Variants in CPED1 observed in about 807,000 individuals in gnomAD.
CPED1 encodes the protein cadherin-like and PC-esterase domain-containing protein 1.
Under a neutral mutation model 128.2 loss-of-function variants are expected in CPED1, and 114 were observed. That is an observed-to-expected ratio of 0.89 (90% confidence interval 0.76 to 1.04). The LOEUF is 1.04. CPED1 is among the 50% of genes least tolerant of loss of function. The probability of loss-of-function intolerance (pLI) is 0.00; values close to 1 mark genes in which losing one functional copy is unlikely to be tolerated. For missense variants in CPED1, 1,211 were observed against 1,207.1 expected (o/e 1.00, Z -0.05); for synonymous variants, 462 against 426.7 (o/e 1.08, Z -1.02).
chr7:121,173,623 A>G (rs1414069291), intron 16 of CPED1, among the ~76,000 whole-genome samples: 1 of 152,108 alleles, frequency 6.6e-6, no homozygotes, highest in Admixed American at 6.6e-5. Flanking sequence ...CATTTTCTTC[A>G]GTCTGTCACT....
rs75928867 is a variant in CPED1 at position 121,176,215 on chromosome 7, A to C, written c.2055+34074A>C. Among the ~76,000 whole-genome samples the C allele has an allele frequency of 9.4e-4, 129 of 137,206 alleles. 1 individual carries two copies. The Middle Eastern group carries it at 0.015, about 16-fold the overall frequency. The allele number at this position is 137,206 out of a possible 152,430, so 90.0% of individuals were successfully genotyped here. On this transcript the variant is annotated intron_variant, in intron 16 of 22. Coordinates refer to ENST00000310396, the MANE Select transcript of CPED1 (RefSeq NM_024913.5). ...CTGGAAAAAAAAAAAAAAAAAAAAA[A>C]ACACCTCTGGAAATAACTTGAATTG...
chr7:121,275,885 A>C (rs1407557036), intron 22 of CPED1, among the ~76,000 whole-genome samples: 1 of 151,820 alleles, frequency 6.6e-6, no homozygotes, highest in Non-Finnish European at 1.5e-5. Flanking sequence ...CAAGTTTACT[A>C]TCTAACCACA....
chr7:121,103,986 AT>A (rs918027178), intron 7 of CPED1, among the ~76,000 whole-genome samples: 1 of 152,130 alleles, frequency 6.6e-6, no homozygotes, highest in African/African-American at 2.4e-5. Context: ...TTTGTAAACT[AT>A]TTTTAATGCC....
chr7:121,229,311 C>A (rs764245213), intron 16 of CPED1, among the ~76,000 whole-genome samples: 1 of 151,828 alleles, frequency 6.6e-6, no homozygotes, highest in Non-Finnish European at 1.5e-5. Flanking sequence ...GCATAAATGG[C>A]CATATTTGAA....
chr7:121,079,808 T>C (rs1794236683), intron 5 of CPED1, among the ~76,000 whole-genome samples: 1 of 152,230 alleles, frequency 6.6e-6, no homozygotes. Flanking sequence ...TTGACTTCTA[T>C]ACTTATGTTG....
chr7:121,098,934 G>T (rs967968487), intron 6 of CPED1, among the ~76,000 whole-genome samples: 3 of 149,802 alleles, frequency 2.0e-5, no homozygotes, highest in South Asian at 2.1e-4. Context: ...TATACATTTT[G>T]GTATCATTTA....
chr7:121,263,121 A>G (rs978299380), intron 18 of CPED1, among the ~76,000 whole-genome samples: 2 of 152,032 alleles, frequency 1.3e-5, no homozygotes, highest in Non-Finnish European at 2.9e-5. Flanking sequence ...GACAGTGGTG[A>G]TGCTTCCTTC....
intron 22 of CPED1, among the ~76,000 whole-genome samples, chr7:121,292,587 A>T (rs553705717): frequency 6.6e-6 from 1 of 151,940 alleles, no homozygotes; most frequent in South Asian, 2.1e-4. Context: ...CGTTTGGAGG[A>T]GAAGAGGCAT....
Position 121,131,252 on chromosome 7 carries a change from C to G in CPED1, c.1577+958C>G, listed in dbSNP as rs116598913. Reference sequence around the variant, plus strand: ...TATTTGAAGAATTCTTAGGACATATCCCAGGATCAGAATTCACCTTATTTG... The same window carrying G: ...TATTTGAAGAATTCTTAGGACATATGCCAGGATCAGAATTCACCTTATTTG... On this transcript the variant is annotated intron_variant, in intron 12 of 22. Transcript: ENST00000310396. Among the ~76,000 whole-genome samples, 719 of 152,146 alleles carry G rather than the reference C, an allele frequency of 4.7e-3. 5 individuals are homozygous for G. Among genetic ancestry groups the G allele is most frequent in the African/African-American group, 0.016 (677 of 41,544 alleles).
chr7:121,245,487 C>T lies in CPED1; in HGVS notation c.2310+1149C>T, dbSNP rs183790422. Among the ~76,000 whole-genome samples the T allele has an allele frequency of 3.0e-3, 452 of 152,172 alleles. 3 individuals are homozygous for T. The highest frequency in any genetic ancestry group is 0.01 in the African/African-American group (429 of 41,504). On this transcript the variant is annotated intron_variant, in intron 18 of 22. Transcript: ENST00000310396. ...AGGGCAGGGAATGTGTTTAATCCACCGCCATAATCTCATTGTTGAGCATAA... is the reference window on the plus strand; with the variant it reads ...AGGGCAGGGAATGTGTTTAATCCACTGCCATAATCTCATTGTTGAGCATAA...
chr7:121,190,874 A>G (rs1233615832), intron 16 of CPED1, among the ~76,000 whole-genome samples: 1 of 152,160 alleles, frequency 6.6e-6, no homozygotes, highest in Admixed American at 6.6e-5. Flanking sequence ...ATGTGATGAC[A>G]GGATTTTATT....
intron 18 of CPED1, among the ~76,000 whole-genome samples, chr7:121,255,631 G>A (rs565686422): frequency 2.7e-4 from 41 of 152,110 alleles, no homozygotes; most frequent in Middle Eastern, 3.4e-3. Context: ...AACTCTCTTT[G>A]TTAACGATAT....
intron 14 of CPED1, among the ~76,000 whole-genome samples, chr7:121,139,111 G>C (rs150699753): frequency 2.9e-4 from 44 of 151,906 alleles, no homozygotes; most frequent in Non-Finnish European, 5.0e-4. Flanking sequence ...GGGCTGTTAG[G>C]ATCGTTGAAA....
At chr7:121,271,533 C>G (rs561608198) in intron 22 of CPED1, 103 bp downstream of exon 22, 3 of 1,169,470 alleles carry the variant, frequency 2.6e-6, no homozygotes, top group African/African-American at 3.1e-5. Context: ...AAACAAAAAA[C>G]AATGTCAGGT....
At chr7:121,036,507 A>ATTTTTT (rs1302763163) in intron 3 of CPED1, among the ~76,000 whole-genome samples, 2 of 133,922 alleles carry the variant, frequency 1.5e-5, no homozygotes, top group African/African-American at 3.0e-5. Flanking sequence ...ATATATATAT[A>ATTTTTT]TTTTTTTTTT....
chr7:121,081,369 A>G (rs1246456045), intron 5 of CPED1, among the ~76,000 whole-genome samples: 1 of 152,154 alleles, frequency 6.6e-6, no homozygotes, highest in Non-Finnish European at 1.5e-5. Flanking sequence ...TAGCTTTGGA[A>G]GATGTTTTAC....
chr7:121,135,964 T>C (rs1056992345), intron 13 of CPED1, 76 bp from the exon 14 acceptor site: 34 of 1,126,584 alleles, frequency 3.0e-5, no homozygotes, highest in Non-Finnish European at 3.9e-5. Flanking sequence ...TATTAAGTTA[T>C]CTAATAGCTA....
chr7:121,212,108 A>G (rs1199212798), intron 16 of CPED1, among the ~76,000 whole-genome samples: 1 of 152,048 alleles, frequency 6.6e-6, no homozygotes, highest in African/African-American at 2.4e-5. Flanking sequence ...ATGCTTGATG[A>G]TAACTGACAA....
At chr7:121,090,041 G>C (rs923532791) in intron 5 of CPED1, among the ~76,000 whole-genome samples, 1 of 152,182 alleles carries the variant, frequency 6.6e-6, no homozygotes, top group Non-Finnish European at 1.5e-5. Flanking sequence ...ACAAGAATGA[G>C]CAGAACTCAA....
Sources: gnomAD v4.1 joint callset for allele counts (sites outside exome capture counted in the v4.1 genomes callset) on GRCh38, gnomAD v4.1.1 for gene constraint, MANE v1.5 for transcripts, NCBI Gene and HGNC (gene_info 2026-07-23, HGNC 2026-07-21) for gene names.